SMARCA2: variants seen among roughly 807,000 people sequenced by gnomAD.
The protein encoded by SMARCA2 is SWI/SNF related BAF chromatin remodeling complex subunit ATPase 2, also known as SWI/SNF-related matrix-associated actin-dependent regulator of chromatin subfamily A member 2.
Under a neutral mutation model 199.8 loss-of-function variants are expected in SMARCA2, and 61 were observed. The observed-to-expected ratio is 0.31, with a 90% CI of 0.25 to 0.38. SMARCA2 has a LOEUF of 0.38. Among genes scored for constraint, SMARCA2 ranks in the 10% least tolerant of loss-of-function variants. SMARCA2 has a pLI of 1.00. For missense variants in SMARCA2, 1,344 were observed against 2,012.2 expected (o/e 0.67, Z 6.35); for synonymous variants, 935 against 732.0 (o/e 1.28, Z -4.48).
chr9:2,158,672 C>A (rs1825504304), intron 27 of SMARCA2: 2 of 339,572 alleles, frequency 5.9e-6, no homozygotes, highest in Non-Finnish European at 5.3e-6. Context: ...GTGTGTGACC[C>A]CCCAGCCCCC....
chr9:2,026,746 A>G (rs1818848309), intron 1 of SMARCA2, among the ~76,000 whole-genome samples: 1 of 152,230 alleles, frequency 6.6e-6, no homozygotes, highest in African/African-American at 2.4e-5. Flanking sequence ...GTGTGCTCAT[A>G]TACATGAAAG....
intron 29 of SMARCA2, among the ~76,000 whole-genome samples, chr9:2,180,465 C>T (rs1826946667): frequency 6.6e-6 from 1 of 152,188 alleles, no homozygotes; most frequent in South Asian, 2.1e-4. Context: ...CATGTTGTCA[C>T]TCATGCTTTG....
chr9:2,116,271 G>A, intron 25 of SMARCA2, among the ~76,000 whole-genome samples: 1 of 152,178 alleles, frequency 6.6e-6, no homozygotes, highest in East Asian at 1.9e-4. Context: ...TGGCCTGTGG[G>A]TGCTCCCTCC....
chr9:2,100,027 G>A (rs1304205848), intron 21 of SMARCA2, among the ~76,000 whole-genome samples: 1 of 152,162 alleles, frequency 6.6e-6, no homozygotes, highest in Non-Finnish European at 1.5e-5. Flanking sequence ...TAGATCATGA[G>A]CATATTTGAG....
At chr9:2,176,197 T>TTTTTTTTTTTTTTTTTTA (rs1826590321) in intron 29 of SMARCA2, among the ~76,000 whole-genome samples, 4 of 142,340 alleles carry the variant, frequency 2.8e-5, no homozygotes, top group African/African-American at 1.2e-4. Context: ...TTTTTTTTTT[T>TTTTTTTTTTTTTTTTTTA]TTTTTTATAA....
chr9:2,058,273 C>T lies in SMARCA2; in HGVS notation c.1348-18C>T. The T allele has an allele frequency of 6.2e-7, 1 of 1,610,362 alleles. No individual in the cohort carries two copies. Among genetic ancestry groups the T allele is most frequent in the South Asian group, 1.1e-5 (1 of 90,948 alleles). On this transcript the variant is annotated intron_variant, in intron 7 of 33. Transcript: ENST00000349721. ...TTGGATTTTAAGTATCCTTTTCTTCCCTTTTTGGATCTTCTAGGAATACCT... is the reference window on the plus strand; with the variant it reads ...TTGGATTTTAAGTATCCTTTTCTTCTCTTTTTGGATCTTCTAGGAATACCT...
chr9:2,054,990 G>C (rs1005914466), intron 6 of SMARCA2, among the ~76,000 whole-genome samples: 1 of 152,164 alleles, frequency 6.6e-6, no homozygotes, highest in Non-Finnish European at 1.5e-5. Context: ...ATGGCGTTTT[G>C]TTACCATGGA....
chr9:2,148,495 TTTA>T (rs1054911262), intron 27 of SMARCA2, among the ~76,000 whole-genome samples: 1 of 151,204 alleles, frequency 6.6e-6, no homozygotes, highest in Non-Finnish European at 1.5e-5. Flanking sequence ...TTATTATTAT[TTTA>T]TTATTATTAT....
chr9:2,191,332 G>C lies in SMARCA2; in HGVS notation c.4661G>C (p.Gly1554Ala). The change falls in exon 33 of 34, where the codon GGC (glycine) becomes GCC (alanine). Residue 1554 changes from glycine (G) to alanine (A), a missense_variant. Coordinates refer to ENST00000349721, the MANE Select transcript of SMARCA2 (RefSeq NM_003070.5). ...KDDKGRDKGK[G>A]KKRPNRGKAK... ...GACAAAGGCCGGGACAAAGGGAAAGGCAAGAAAAGGCCAAATCGAGGAAAA... is the reference window on the plus strand; with the variant it reads ...GACAAAGGCCGGGACAAAGGGAAAGCCAAGAAAAGGCCAAATCGAGGAAAA... The C allele has an allele frequency of 6.2e-7, 1 of 1,614,202 alleles. No individual in the cohort carries two copies. The highest frequency in any genetic ancestry group is 8.5e-7 in the Non-Finnish European group (1 of 1,180,028).
At chr9:2,095,407 A>T (rs752902689) in intron 19 of SMARCA2, among the ~76,000 whole-genome samples, 12 of 152,194 alleles carry the variant, frequency 7.9e-5, no homozygotes, top group Non-Finnish European at 1.6e-4. Context: ...TTTTCATAAA[A>T]AAAAAAGGAG....
intron 4 of SMARCA2, chr9:2,041,727 C>T: frequency 3.8e-6 from 1 of 262,982 alleles, no homozygotes; most frequent in Non-Finnish European, 7.1e-6. Flanking sequence ...GATTTGGGAA[C>T]AGGAAAGGTT....
At chr9:2,191,656 T>C in intron 33 of SMARCA2, 1 of 351,814 alleles carries the variant, frequency 2.8e-6, no homozygotes, top group East Asian at 5.0e-5. Flanking sequence ...AGCTTCCCTT[T>C]CCCCCTTTTT....
intron 27 of SMARCA2, among the ~76,000 whole-genome samples, chr9:2,141,965 G>T (rs563812395): frequency 6.6e-6 from 1 of 152,124 alleles, no homozygotes; most frequent in African/African-American, 2.4e-5. Context: ...CAGCCTCCTG[G>T]GGGCAGGTGA....
intron 5 of SMARCA2, 132 bp downstream of exon 5, chr9:2,047,616 T>C (rs959588627): frequency 2.0e-5 from 22 of 1,111,112 alleles, no homozygotes; most frequent in Non-Finnish European, 2.4e-5. Context: ...AAAACTTTCA[T>C]CCACTCCTGG....
intron 27 of SMARCA2, among the ~76,000 whole-genome samples, chr9:2,150,588 C>T (rs1044560768): frequency 7.9e-5 from 12 of 151,634 alleles, no homozygotes; most frequent in African/African-American, 1.9e-4. Context: ...TATGTGCCTA[C>T]GAGCAGCGTT....
intron 21 of SMARCA2, among the ~76,000 whole-genome samples, chr9:2,100,322 A>T (rs923491563): frequency 1.3e-5 from 2 of 152,222 alleles, no homozygotes; most frequent in African/African-American, 2.4e-5. Context: ...TGTATTCTGA[A>T]AACAGAAGCT....
intron 19 of SMARCA2, among the ~76,000 whole-genome samples, chr9:2,088,897 A>ATTTT (rs1821926705): frequency 1.4e-5 from 1 of 73,568 alleles, no homozygotes; most frequent in Non-Finnish European, 2.4e-5. Context: ...TTTTTTTTAA[A>ATTTT]TTACGGACCT....
In SMARCA2 at chr9:2,097,286, T is replaced by C; in HGVS notation, c.2992-99T>C. The C allele has an allele frequency of 9.5e-6, 7 of 738,496 alleles. No homozygotes were observed. The South Asian group carries it at 1.1e-4, about 11-fold the overall frequency. The allele number at this position is 738,496 out of a possible 1,614,324, so 45.7% of individuals were successfully genotyped here. On this transcript the variant is annotated intron_variant, in intron 20 of 33. Transcript: ENST00000349721. Reference sequence around the variant, plus strand: ...GTGTGTAGGTGACTGAAAAAACCTATGGTCCTTTGTCCTTTGTATAAGAAG... The same window carrying C: ...GTGTGTAGGTGACTGAAAAAACCTACGGTCCTTTGTCCTTTGTATAAGAAG...
chr9:2,057,620 T>C (rs1175123254), intron 7 of SMARCA2, among the ~76,000 whole-genome samples: 17 of 152,230 alleles, frequency 1.1e-4, no homozygotes, highest in Non-Finnish European at 2.5e-4. Context: ...AAGGGCCTAG[T>C]TGAATGTTTC....
Sources: allele counts gnomAD v4.1 joint callset (sites outside exome capture counted in the v4.1 genomes callset), GRCh38; gene constraint gnomAD v4.1.1; transcripts MANE v1.5; gene names NCBI Gene and HGNC (gene_info 2026-07-23, HGNC 2026-07-21).